KLF12: variants seen among roughly 807,000 people sequenced by gnomAD.
The protein encoded by KLF12 is Krueppel-like factor 12.
A neutral mutation model predicts 37.8 loss-of-function variants in KLF12; 9 were observed. The ratio of observed to expected loss-of-function variants is 0.24; its 90% confidence interval spans 0.14 to 0.42. The LOEUF (loss-of-function observed/expected upper bound fraction) is 0.42. Ranked by LOEUF, KLF12 falls within the 10% of genes least tolerant of loss-of-function variation. The pLI is 1.00. For synonymous variants in KLF12, 208 were observed against 202.1 expected (o/e 1.03, Z -0.25); for missense variants, 411 against 516.0 (o/e 0.80, Z 1.97).
intron 7 of KLF12, among the ~76,000 whole-genome samples, chr13:73,704,290 C>A (rs539364689): frequency 1.3e-5 from 2 of 152,284 alleles, no homozygotes; most frequent in South Asian, 4.1e-4. Flanking sequence ...AACTGGTGGT[C>A]TGAAAGCATC....
chr13:74,104,910 A>G (rs1018485993), intron 1 of KLF12, among the ~76,000 whole-genome samples: 1 of 152,166 alleles, frequency 6.6e-6, no homozygotes, highest in Non-Finnish European at 1.5e-5. Context: ...CCCGCGATGT[A>G]TAAGTGGGCC....
intron 6 of KLF12, among the ~76,000 whole-genome samples, chr13:73,757,578 T>C (rs1178388292): frequency 6.6e-6 from 1 of 152,186 alleles, no homozygotes; most frequent in Non-Finnish European, 1.5e-5. Context: ...GAAATCTCTG[T>C]AGCTAGAAAG....
chr13:74,136,167 T>C (rs908748801), upstream of KLF12, among the ~76,000 whole-genome samples: 2 of 152,048 alleles, frequency 1.3e-5, no homozygotes, highest in Non-Finnish European at 2.9e-5. Flanking sequence ...TGAAGTAGCC[T>C]CAGCGGCGGG....
intron 3 of KLF12, among the ~76,000 whole-genome samples, chr13:73,865,213 C>A (rs943518616): frequency 2.0e-5 from 3 of 151,914 alleles, no homozygotes; most frequent in African/African-American, 7.3e-5. Flanking sequence ...GTATACATTT[C>A]TTACCATTGT....
intron 3 of KLF12, among the ~76,000 whole-genome samples, chr13:73,916,359 A>T (rs1888847677): frequency 6.6e-6 from 1 of 152,202 alleles, no homozygotes; most frequent in South Asian, 2.1e-4. Flanking sequence ...AGCTTTATTG[A>T]ATTCCAGAAC....
At position 73,690,692 on chromosome 13, in the gene KLF12, T is replaced by C. The variant is rs1023199424; in HGVS notation, c.*4798A>G. 2 of 152,348 alleles carry C rather than the reference T, an allele frequency of 1.3e-5. No individual in the cohort carries two copies. Among genetic ancestry groups the C allele is most frequent in the South Asian group, 2.1e-4 (1 of 4,836 alleles). The allele number at this position is 152,348 out of a possible 1,614,324, so 9.4% of individuals were successfully genotyped here. ...AATTTCACTCATTGTGTGTAAGATATACAAGGCATATCTGAACAAGTTTTT... is the reference window on the plus strand; with the variant it reads ...AATTTCACTCATTGTGTGTAAGATACACAAGGCATATCTGAACAAGTTTTT... On this transcript the variant is annotated 3_prime_UTR_variant, in exon 8 of 8. Coordinates refer to ENST00000377669, the MANE Select transcript of KLF12 (RefSeq NM_007249.5).
intron 1 of KLF12, among the ~76,000 whole-genome samples, chr13:74,082,312 C>T (rs947063020): frequency 1.3e-5 from 2 of 152,070 alleles, no homozygotes; most frequent in Admixed American, 6.5e-5. Context: ...CACACATATC[C>T]TTTTCACATG....
At chr13:73,891,207 G>A (rs964028874) in intron 3 of KLF12, among the ~76,000 whole-genome samples, 1 of 151,838 alleles carries the variant, frequency 6.6e-6, no homozygotes, top group African/African-American at 2.4e-5. Flanking sequence ...CATGAGTATG[G>A]GTAAGTCAGC....
At chr13:74,126,632 G>T (rs1294191060) in intron 1 of KLF12, among the ~76,000 whole-genome samples, 2 of 151,936 alleles carry the variant, frequency 1.3e-5, no homozygotes, top group Non-Finnish European at 2.9e-5. Context: ...TTAAAATAAG[G>T]TAAAAAGCAA....
the KLF12 span, among the ~76,000 whole-genome samples, chr13:74,192,916 G>A: frequency 6.6e-6 from 1 of 151,490 alleles, no homozygotes; most frequent in African/African-American, 2.4e-5. Context: ...GAGACCCAGA[G>A]ACAGCATACA....
chr13:73,767,826 C>A (rs1229147133), intron 5 of KLF12, among the ~76,000 whole-genome samples: 1 of 152,172 alleles, frequency 6.6e-6, no homozygotes, highest in African/African-American at 2.4e-5. Flanking sequence ...AACCTTGCAT[C>A]TTAATGACTG....
chr13:74,119,977 T>A (rs1877528035), intron 1 of KLF12, among the ~76,000 whole-genome samples: 1 of 149,588 alleles, frequency 6.7e-6, no homozygotes, highest in African/African-American at 2.5e-5. Context: ...AAACATTACA[T>A]ATAGACAAAA....
chr13:73,983,401 G>A (rs959039329), intron 2 of KLF12, among the ~76,000 whole-genome samples: 1 of 152,130 alleles, frequency 6.6e-6, no homozygotes, highest in African/African-American at 2.4e-5. Flanking sequence ...TCCAGTATCA[G>A]TGCCTTCTGG....
chr13:73,917,989 CT>C, intron 3 of KLF12, among the ~76,000 whole-genome samples: 1 of 151,962 alleles, frequency 6.6e-6, no homozygotes, highest in South Asian at 2.1e-4. Context: ...AGTTAAAAAG[CT>C]TAGTCTAGCT....
At chr13:73,962,609 C>T (rs768242831) in intron 2 of KLF12, among the ~76,000 whole-genome samples, 14 of 152,138 alleles carry the variant, frequency 9.2e-5, no homozygotes, top group Admixed American at 4.6e-4. Flanking sequence ...ACTCTCTGTA[C>T]TTTCTGCTCA....
At chr13:74,166,019 T>A in the KLF12 span, among the ~76,000 whole-genome samples, 1 of 151,922 alleles carries the variant, frequency 6.6e-6, no homozygotes, top group African/African-American at 2.4e-5. Flanking sequence ...CTGGAGAAAG[T>A]GTTTAATTGC....
intron 1 of KLF12, among the ~76,000 whole-genome samples, chr13:74,068,184 A>G (rs1450355780): frequency 1.3e-5 from 2 of 152,238 alleles, no homozygotes; most frequent in Non-Finnish European, 2.9e-5. Context: ...TAAATGATAC[A>G]TTACTTAAGG....
At chr13:74,296,277 A>G in the KLF12 span, among the ~76,000 whole-genome samples, 1 of 152,274 alleles carries the variant, frequency 6.6e-6, no homozygotes, top group African/African-American at 2.4e-5. Context: ...AGAAAAGTTA[A>G]GTAGCCTTGC....
At chr13:73,983,744 C>T (rs1426572409) in intron 2 of KLF12, among the ~76,000 whole-genome samples, 1 of 152,200 alleles carries the variant, frequency 6.6e-6, no homozygotes, top group Non-Finnish European at 1.5e-5. Context: ...CCCAGCCTGA[C>T]TGGTCTATGG....
Sources: gnomAD v4.1 joint callset for allele counts (sites outside exome capture counted in the v4.1 genomes callset) on GRCh38, gnomAD v4.1.1 for gene constraint, MANE v1.5 for transcripts, NCBI Gene and HGNC (gene_info 2026-07-23, HGNC 2026-07-21) for gene names.